The following FARP1 variants were observed in gnomAD, a reference collection of about 807,000 sequenced individuals.
The protein encoded by FARP1 is FERM, ARH/RhoGEF and pleckstrin domain protein 1.
Under a neutral mutation model 128.8 loss-of-function variants are expected in FARP1, and 52 were observed. That is an observed-to-expected ratio of 0.40 (90% confidence interval 0.32 to 0.51). The LOEUF is 0.51. FARP1 is among the 20% of genes least tolerant of loss of function. The pLI, the probability that FARP1 is intolerant of heterozygous loss-of-function variation, is 0.45. For synonymous variants in FARP1, 580 were observed against 551.8 expected (o/e 1.05, Z -0.72); for missense variants, 1,333 against 1,367.9 (o/e 0.97, Z 0.40).
At chr13:98,221,185 A>G (rs1383905493) in intron 2 of FARP1, among the ~76,000 whole-genome samples, 2 of 152,310 alleles carry the variant, frequency 1.3e-5, no homozygotes, top group East Asian at 1.9e-4. Context: ...AACACCTTGC[A>G]GAGAACACAG....
chr13:98,312,910 G>A (rs1462018983), intron 2 of FARP1, among the ~76,000 whole-genome samples: 4 of 152,162 alleles, frequency 2.6e-5, no homozygotes, highest in Non-Finnish European at 4.4e-5. Context: ...GCTAAAGAGG[G>A]CAGGAGGAGA....
intron 1 of FARP1, among the ~76,000 whole-genome samples, chr13:98,161,323 C>A (rs1304227727): frequency 1.3e-5 from 2 of 151,062 alleles, no homozygotes; most frequent in African/African-American, 4.9e-5. Context: ...TCAAGCGATT[C>A]TCCTGCCTCA....
intron 3 of FARP1, among the ~76,000 whole-genome samples, chr13:98,364,684 C>A: frequency 6.6e-6 from 1 of 152,162 alleles, no homozygotes; most frequent in African/African-American, 2.4e-5. Flanking sequence ...GGATGGTCAA[C>A]TTACATTTTA....
rs574657965 is a variant in FARP1, at chr13:98,273,953, C to A, written c.171+60540C>A. On this transcript the variant is annotated intron_variant, in intron 2 of 26. Transcript: ENST00000319562. The stretch of plus-strand genomic sequence containing the variant: ...AATGACAGACTTAGCCACTTATAAT[C>A]AGTTTTTGTTTAAAAATGACAACAC... Among the ~76,000 whole-genome samples, 8 of 152,276 alleles carry A rather than the reference C, an allele frequency of 5.3e-5. No individual in the cohort carries two copies. The South Asian group carries it at 1.7e-3, about 32-fold the overall frequency.
intron 2 of FARP1, among the ~76,000 whole-genome samples, chr13:98,304,285 C>T (rs1193017346): frequency 6.6e-6 from 1 of 152,056 alleles, no homozygotes; most frequent in Non-Finnish European, 1.5e-5. Context: ...ATTGAAGGCT[C>T]TTGTTTTTAC....
intron 3 of FARP1, among the ~76,000 whole-genome samples, chr13:98,359,019 A>C (rs151129762): frequency 6.6e-6 from 1 of 152,146 alleles, no homozygotes; most frequent in African/African-American, 2.4e-5. Flanking sequence ...TTCTATGACA[A>C]ATATTTTCTT....
intron 1 of FARP1, among the ~76,000 whole-genome samples, chr13:98,189,806 A>C (rs1879108982): frequency 6.6e-6 from 1 of 152,242 alleles, no homozygotes; most frequent in Non-Finnish European, 1.5e-5. Context: ...ATGGTGTATT[A>C]TCACAATTTC....
At chr13:98,231,580 G>T (rs1882117918) in intron 2 of FARP1, among the ~76,000 whole-genome samples, 1 of 152,068 alleles carries the variant, frequency 6.6e-6, no homozygotes, top group Non-Finnish European at 1.5e-5. Flanking sequence ...TGGCATTACT[G>T]GTGCCTGCCG....
Position 98,448,490 on chromosome 13 carries a change from A to T in FARP1, c.*173A>T. The T allele has an allele frequency of 1.7e-6, 1 of 603,022 alleles. No homozygotes were observed. Among genetic ancestry groups the T allele is most frequent in the South Asian group, 2.0e-5 (1 of 50,486 alleles). 37.4% of individuals were successfully genotyped at this position (603,022 alleles called of 1,614,324 possible). The stretch of plus-strand genomic sequence containing the variant: ...TTTAACCCCGACCTCTCAGCGTCTG[A>T]ATGAACAGCGCTCCCACCTCCAGTC... On this transcript the variant is annotated 3_prime_UTR_variant, in exon 27 of 27. Coordinates refer to ENST00000319562, the MANE Select transcript of FARP1 (RefSeq NM_005766.4).
chr13:98,214,673 G>A (rs1354573382), intron 2 of FARP1, among the ~76,000 whole-genome samples: 3 of 152,188 alleles, frequency 2.0e-5, no homozygotes, highest in Non-Finnish European at 4.4e-5. Context: ...GAACAGCTAT[G>A]CTTAAAACCA....
chr13:98,151,627 A>AGCGAG (rs1876005837), intron 1 of FARP1, among the ~76,000 whole-genome samples: 1 of 144,902 alleles, frequency 6.9e-6, no homozygotes, highest in African/African-American at 2.5e-5. Flanking sequence ...TAGTTGTTGA[A>AGCGAG]GCGAGACAAA....
intron 2 of FARP1, among the ~76,000 whole-genome samples, chr13:98,215,537 T>TA (rs796374000): frequency 6.6e-6 from 1 of 152,218 alleles, no homozygotes; most frequent in East Asian, 1.9e-4. Flanking sequence ...TATATGAGAA[T>TA]AAAAAAAGAG....
At chr13:98,419,483 T>TACACACAC (rs57751374) in intron 16 of FARP1, among the ~76,000 whole-genome samples, 15,351 of 139,898 alleles carry the variant, frequency 0.11, 884 homozygotes, top group South Asian at 0.13. Flanking sequence ...CAAAAAAAAA[T>TACACACAC]ACACACACAC....
intron 1 of FARP1, among the ~76,000 whole-genome samples, chr13:98,168,236 C>T (rs1388652722): frequency 6.6e-6 from 1 of 152,118 alleles, no homozygotes; most frequent in Non-Finnish European, 1.5e-5. Context: ...ATAGACTCTA[C>T]TATCACTATT....
chr13:98,336,731 C>G (rs1405594526), intron 2 of FARP1, among the ~76,000 whole-genome samples: 1 of 152,188 alleles, frequency 6.6e-6, no homozygotes, highest in African/African-American at 2.4e-5. Context: ...ATTTTATAGG[C>G]TCCAATGAAA....
At chr13:98,297,600 A>C (rs1407365994) in intron 2 of FARP1, among the ~76,000 whole-genome samples, 2 of 152,222 alleles carry the variant, frequency 1.3e-5, no homozygotes, top group Non-Finnish European at 2.9e-5. Context: ...AATTATAAGA[A>C]GATCTGCCTG....
chr13:98,206,794 AT>A (rs1391492202), intron 1 of FARP1, among the ~76,000 whole-genome samples: 1 of 152,216 alleles, frequency 6.6e-6, no homozygotes, highest in African/African-American at 2.4e-5. Flanking sequence ...GAGCTAACTA[AT>A]AAAGTAGTTT....
intron 16 of FARP1, among the ~76,000 whole-genome samples, chr13:98,420,426 C>T (rs1032580454): frequency 1.2e-4 from 19 of 152,182 alleles, no homozygotes; most frequent in African/African-American, 4.6e-4. Flanking sequence ...TACTTCTTCC[C>T]TGTCCTCAGT....
intron 1 of FARP1, among the ~76,000 whole-genome samples, chr13:98,198,900 CTCCCCCTCCCCCTT>C (rs1355515683): frequency 1.3e-3 from 1 of 760 alleles, no homozygotes; most frequent in African/African-American, 4.1e-3. Flanking sequence ...CCCTGCTCCG[CTCCCCCTCCCCCTT>C]TCCCCCTCCC....
Sources: gnomAD v4.1 joint callset for allele counts (sites outside exome capture counted in the v4.1 genomes callset) on GRCh38, gnomAD v4.1.1 for gene constraint, MANE v1.5 for transcripts, NCBI Gene and HGNC (gene_info 2026-07-23, HGNC 2026-07-21) for gene names.